Variants in CSMD1 observed in about 807,000 individuals in gnomAD.
CSMD1 encodes CUB and Sushi multiple domains 1, also known as CUB and sushi domain-containing protein 1.
In CSMD1, 213 loss-of-function variants were observed where a neutral mutation model predicts 417.5. The ratio of observed to expected loss-of-function variants is 0.51; its 90% CI spans 0.46 to 0.57. The LOEUF is 0.57. CSMD1 is among the 20% of genes least tolerant of loss of function. The probability of loss-of-function intolerance (pLI) is 0.00; values close to 1 mark genes in which losing one functional copy is unlikely to be tolerated. For missense variants in CSMD1, 6,923 were observed against 4,529.7 expected, an observed-to-expected ratio of 1.53 and a Z score of -15.17; for synonymous variants, 2,862 against 1,736.8, an observed-to-expected ratio of 1.65 and a Z score of -16.11.
intron 4 of CSMD1, among the ~76,000 whole-genome samples, chr8:4,029,201 G>A (rs184384657): frequency 2.9e-4 from 44 of 151,402 alleles, no homozygotes; most frequent in Middle Eastern, 3.4e-3. Flanking sequence ...TACAACGAGA[G>A]GTGATGAAAA....
At chr8:4,406,091 G>A (rs566565743) in intron 3 of CSMD1, among the ~76,000 whole-genome samples, 2 of 152,304 alleles carry the variant, frequency 1.3e-5, no homozygotes, top group South Asian at 2.1e-4. Context: ...TAAAATGACA[G>A]CACTAATTCA....
chr8:4,590,696 C>A (rs1480200191), intron 2 of CSMD1, among the ~76,000 whole-genome samples: 1 of 152,202 alleles, frequency 6.6e-6, no homozygotes, highest in Admixed American at 6.5e-5. Flanking sequence ...AAATGAGAAG[C>A]ACTGAATAGA....
chr8:4,925,218 T>TTTTG (rs1806774835), intron 1 of CSMD1, among the ~76,000 whole-genome samples: 1 of 129,814 alleles, frequency 7.7e-6, no homozygotes, highest in Non-Finnish European at 1.6e-5. Context: ...TTTTATGGTT[T>TTTTG]TTTTTTTTTT....
At chr8:3,481,169 A>C (rs1417896110) in intron 11 of CSMD1, among the ~76,000 whole-genome samples, 1 of 149,064 alleles carries the variant, frequency 6.7e-6, no homozygotes, top group African/African-American at 2.5e-5. Context: ...AAAAAAAAAA[A>C]AAAAAAAAAA....
At chr8:3,122,432 G>T (rs1817262606) in intron 41 of CSMD1, among the ~76,000 whole-genome samples, 1 of 152,122 alleles carries the variant, frequency 6.6e-6, no homozygotes, top group African/African-American at 2.4e-5. Flanking sequence ...AATAAAGTTT[G>T]CAAAATAAAA....
At chr8:3,652,382 G>A (rs115952758) in intron 7 of CSMD1, among the ~76,000 whole-genome samples, 2 of 152,152 alleles carry the variant, frequency 1.3e-5, no homozygotes, top group Non-Finnish European at 2.9e-5. Context: ...AGAGCGCTTA[G>A]CACCATCACA....
At chr8:4,093,205 G>T (rs999832492) in intron 3 of CSMD1, among the ~76,000 whole-genome samples, 7 of 152,072 alleles carry the variant, frequency 4.6e-5, no homozygotes, top group African/African-American at 9.7e-5. Context: ...TTCACATTAT[G>T]TAAATAAAGT....
intron 1 of CSMD1, among the ~76,000 whole-genome samples, chr8:4,861,744 G>A (rs184137030): frequency 5.2e-4 from 79 of 152,116 alleles, no homozygotes; most frequent in African/African-American, 1.7e-3. Flanking sequence ...ATGTACAAAG[G>A]ATGTACATTT....
chr8:4,584,464 C>A (rs1017618633), intron 2 of CSMD1, among the ~76,000 whole-genome samples: 1 of 152,054 alleles, frequency 6.6e-6, no homozygotes, highest in African/African-American at 2.4e-5. Context: ...GCGTGGCCGC[C>A]GGACTAAAGA....
chr8:4,173,528 C>G (rs1797878252), intron 3 of CSMD1, among the ~76,000 whole-genome samples: 1 of 151,978 alleles, frequency 6.6e-6, no homozygotes, highest in South Asian at 2.1e-4. Flanking sequence ...ACACCATCCT[C>G]TTGTGGTTTA....
intron 3 of CSMD1, among the ~76,000 whole-genome samples, chr8:4,311,509 G>T (rs940891460): frequency 6.6e-6 from 1 of 152,100 alleles, no homozygotes; most frequent in African/African-American, 2.4e-5. Context: ...GATCACCTGA[G>T]ATCAGGAGTT....
chr8:3,338,170 C>A (rs1001042004), intron 23 of CSMD1, among the ~76,000 whole-genome samples: 1 of 152,178 alleles, frequency 6.6e-6, no homozygotes, highest in African/African-American at 2.4e-5. Flanking sequence ...CAAGACACAA[C>A]GTATTTGATA....
chr8:3,728,195 A>C (rs2623747), intron 6 of CSMD1, among the ~76,000 whole-genome samples: 15,785 of 152,176 alleles, frequency 0.1, 870 homozygotes, highest in Middle Eastern at 0.15. Flanking sequence ...CATGGTAGTG[A>C]ATAAGTCTCA....
At chr8:3,657,028 G>A (rs1279070621) in intron 7 of CSMD1, among the ~76,000 whole-genome samples, 2 of 150,070 alleles carry the variant, frequency 1.3e-5, no homozygotes, top group African/African-American at 4.9e-5. Context: ...AGACATACAG[G>A]AAAGTGTCTG....
intron 3 of CSMD1, among the ~76,000 whole-genome samples, chr8:4,234,580 T>C (rs550349943): frequency 6.6e-6 from 1 of 152,324 alleles, no homozygotes; most frequent in African/African-American, 2.4e-5. Flanking sequence ...CTGCGCTGCT[T>C]TTTTAATTGA....
intron 1 of CSMD1, among the ~76,000 whole-genome samples, chr8:4,753,162 T>C (rs562655246): frequency 2.0e-5 from 3 of 152,168 alleles, no homozygotes; most frequent in Admixed American, 1.3e-4. Flanking sequence ...TTGTCTGAGA[T>C]CATACATACA....
At chr8:4,154,341 T>A (rs1464696132) in intron 3 of CSMD1, among the ~76,000 whole-genome samples, 3 of 152,156 alleles carry the variant, frequency 2.0e-5, no homozygotes, top group African/African-American at 7.2e-5. Context: ...AGTCCAGGAG[T>A]ATTCAGTCAA....
chr8:4,933,286 C>T (rs1388746863), intron 1 of CSMD1, among the ~76,000 whole-genome samples: 1 of 152,148 alleles, frequency 6.6e-6, no homozygotes, highest in African/African-American at 2.4e-5. Flanking sequence ...AACATTCTCT[C>T]AGAGGAGCAC....
chr8:4,016,456 G>T (rs1796528404), intron 4 of CSMD1, among the ~76,000 whole-genome samples: 1 of 152,130 alleles, frequency 6.6e-6, no homozygotes, highest in South Asian at 2.1e-4. Context: ...ACGTCTCCAG[G>T]TCTCAGGCCT....
Sources: allele counts gnomAD v4.1 joint callset (sites outside exome capture counted in the v4.1 genomes callset), GRCh38; gene constraint gnomAD v4.1.1; transcripts MANE v1.5; gene names NCBI Gene and HGNC (gene_info 2026-07-23, HGNC 2026-07-21).